Variants in ZMAT4 observed in about 807,000 individuals in gnomAD.
ZMAT4 encodes the protein zinc finger matrin-type 4, also known as zinc finger matrin-type protein 4.
Under a neutral mutation model 28.7 loss-of-function variants are expected in ZMAT4, and 17 were observed. That is an observed-to-expected ratio of 0.59 (90% CI 0.41 to 0.89). The LOEUF (loss-of-function observed/expected upper bound fraction) is 0.89, where lower values mean the gene tolerates loss of function less well. Ranked by LOEUF, ZMAT4 falls within the 40% of genes least tolerant of loss-of-function variation. The probability of loss-of-function intolerance (pLI) is 0.00; values close to 1 mark genes in which losing one functional copy is unlikely to be tolerated. For missense variants in ZMAT4, 240 were observed against 283.8 expected, an observed-to-expected ratio of 0.85 and a Z score of 1.11; for synonymous variants, 117 against 109.2, an observed-to-expected ratio of 1.07 and a Z score of -0.44.
At chr8:40,567,844 C>T (rs997107300) in intron 6 of ZMAT4, among the ~76,000 whole-genome samples, 5 of 151,932 alleles carry the variant, frequency 3.3e-5, no homozygotes, top group Admixed American at 3.3e-4. Context: ...TGAAAAAATC[C>T]TTCCAACTCT....
At chr8:40,560,218 A>ATAT (rs1563340240) in intron 6 of ZMAT4, among the ~76,000 whole-genome samples, 4,220 of 134,696 alleles carry the variant, frequency 0.031, 215 homozygotes, top group African/African-American at 0.1. Flanking sequence ...TATATATATA[A>ATAT]AATTTGACCA....
chr8:40,679,693 A>G (rs186428641), intron 4 of ZMAT4, among the ~76,000 whole-genome samples: 3 of 152,314 alleles, frequency 2.0e-5, no homozygotes, highest in Admixed American at 2.0e-4. Context: ...ACTACAATTC[A>G]AGATGAGATT....
chr8:40,811,992 G>C (rs764260701), intron 2 of ZMAT4, among the ~76,000 whole-genome samples: 1 of 151,240 alleles, frequency 6.6e-6, no homozygotes, highest in African/African-American at 2.4e-5. Flanking sequence ...TTAGCCAGGC[G>C]TGGTGGTGCG....
In ZMAT4 at chr8:40,616,946, G is replaced by A. The variant is rs188346936; in HGVS notation, c.578-35685C>T. On this transcript the variant is annotated intron_variant, in intron 5 of 6. Coordinates refer to ENST00000297737, the MANE Select transcript of ZMAT4 (RefSeq NM_024645.3). The stretch of plus-strand genomic sequence containing the variant: ...GTAATTTTACAAAACTTGGTTTTAG[G>A]TTTTCTAATAGCCAGAGTGAAGAAG... Among the ~76,000 whole-genome samples the A allele has an allele frequency of 1.1e-3, 163 of 151,476 alleles. 2 individuals are homozygous for A. Among genetic ancestry groups the A allele is most frequent in the Middle Eastern group, 3.5e-3 (1 of 288 alleles).
At chr8:40,718,227 A>G (rs569866633) in intron 3 of ZMAT4, among the ~76,000 whole-genome samples, 38 of 152,372 alleles carry the variant, frequency 2.5e-4, no homozygotes, top group African/African-American at 9.1e-4. Context: ...CTGCCCAAAA[A>G]TAAAGCAATC....
chr8:40,780,036 C>CT (rs1022806451), intron 2 of ZMAT4, among the ~76,000 whole-genome samples: 2 of 152,020 alleles, frequency 1.3e-5, no homozygotes, highest in African/African-American at 4.8e-5. Flanking sequence ...CCCCTCCCAA[C>CT]TTTTTTTTCT....
At chr8:40,620,465 C>G (rs1025519060) in intron 5 of ZMAT4, among the ~76,000 whole-genome samples, 1 of 152,166 alleles carries the variant, frequency 6.6e-6, no homozygotes, top group African/African-American at 2.4e-5. Context: ...ACTTTTATTC[C>G]TCTGTAAAAG....
At chr8:40,869,426 C>G (rs1194591784) in intron 1 of ZMAT4, among the ~76,000 whole-genome samples, 2 of 152,124 alleles carry the variant, frequency 1.3e-5, no homozygotes, top group African/African-American at 4.8e-5. Flanking sequence ...GCTTTGGTGT[C>G]GGACAGATCT....
intron 2 of ZMAT4, among the ~76,000 whole-genome samples, chr8:40,770,548 C>CT (rs1563472551): frequency 1.8e-4 from 11 of 62,334 alleles, no homozygotes; most frequent in African/African-American, 2.3e-4. Context: ...CTTTCTCTCT[C>CT]ATTTTTTTTT....
At chr8:40,599,437 A>T (rs141463081) in intron 5 of ZMAT4, among the ~76,000 whole-genome samples, 1 of 152,182 alleles carries the variant, frequency 6.6e-6, no homozygotes, top group African/African-American at 2.4e-5. Context: ...ACGTTTTTCC[A>T]TACTGACTTC....
At position 40,696,132 on chromosome 8, in the gene ZMAT4, C is replaced by A. The variant is rs1299525548; in HGVS notation, c.349+1113G>T. 2.0e-5 allele frequency among the ~76,000 whole-genome samples: 3 copies of A among 152,210 alleles called. No individual in the cohort carries two copies. The South Asian group carries it at 6.2e-4, about 32-fold the overall frequency. ...GTGCCCCCAAACATACTGAGCTTGT[C>A]TCCAGATTTCATGTGTTTTGCAACC... On this transcript the variant is annotated intron_variant, in intron 4 of 6. Coordinates refer to ENST00000297737, the MANE Select transcript of ZMAT4 (RefSeq NM_024645.3).
intron 5 of ZMAT4, among the ~76,000 whole-genome samples, chr8:40,603,926 T>C (rs1278051335): frequency 1.3e-5 from 2 of 152,198 alleles, no homozygotes; most frequent in Non-Finnish European, 2.9e-5. Context: ...TGTAGATGTC[T>C]TTCATCTCCT....
rs891662054 is a variant in ZMAT4, at chr8:40,896,325, T to G, written c.-5+1358A>C. Among the ~76,000 whole-genome samples, 3 of 152,262 alleles carry G rather than the reference T, an allele frequency of 2.0e-5. No homozygotes were observed. In the East Asian group the frequency reaches 5.8e-4, roughly 29 times the overall value. On this transcript the variant is annotated intron_variant, in intron 1 of 6. Coordinates refer to ENST00000297737, the MANE Select transcript of ZMAT4 (RefSeq NM_024645.3). Reference sequence around the variant, plus strand: ...CCAGAACATGCAGTCTTGTCAGGACTGGGAATCGAACTCCCCAGCTGCGGG... The same window carrying G: ...CCAGAACATGCAGTCTTGTCAGGACGGGGAATCGAACTCCCCAGCTGCGGG...
rs576541531 is a variant in ZMAT4 at position 40,600,024 on chromosome 8, C to T, written c.578-18763G>A. On this transcript the variant is annotated intron_variant, in intron 5 of 6. Transcript: ENST00000297737. ...GTTGCCATGCTTGCATGTCCCTGTTCGAACTAAAAACTGCTTCAAACAACA... is the reference window on the plus strand; with the variant it reads ...GTTGCCATGCTTGCATGTCCCTGTTTGAACTAAAAACTGCTTCAAACAACA... 5.9e-5 allele frequency among the ~76,000 whole-genome samples: 9 copies of T among 152,290 alleles called. No homozygotes were observed. The South Asian group carries it at 1.5e-3, about 25-fold the overall frequency.
At position 40,767,740 on chromosome 8, in the gene ZMAT4, A is replaced by G. The variant is rs1371977603; in HGVS notation, c.103-10T>C. 1 of 1,609,290 alleles carries G rather than the reference A, an allele frequency of 6.2e-7. No individual in the cohort carries two copies. The highest frequency in any genetic ancestry group is 1.1e-5 in the South Asian group (1 of 90,106). On this transcript the variant is annotated splice_polypyrimidine_tract_variant and intron_variant, in intron 2 of 6. Coordinates refer to ENST00000297737, the MANE Select transcript of ZMAT4 (RefSeq NM_024645.3). ...TTGCATGTTTTCGACTCTGGGAAGG[A>G]AAAGCATAAGCAGATACTGTAAAAG... is the stretch of plus-strand genomic sequence containing the variant.
At chr8:40,633,483 GA>G (rs1039315935) in intron 5 of ZMAT4, among the ~76,000 whole-genome samples, 1 of 152,198 alleles carries the variant, frequency 6.6e-6, no homozygotes, top group African/African-American at 2.4e-5. Context: ...GACAAGGGGT[GA>G]CCAGAAGATG....
intron 5 of ZMAT4, among the ~76,000 whole-genome samples, chr8:40,633,541 A>G (rs186050442): frequency 2.3e-3 from 355 of 152,306 alleles, no homozygotes; most frequent in Non-Finnish European, 3.9e-3. Flanking sequence ...AGCACATAAA[A>G]GGTCTGTCCT....
At chr8:40,799,363 G>A (rs989499981) in intron 2 of ZMAT4, among the ~76,000 whole-genome samples, 2 of 152,042 alleles carry the variant, frequency 1.3e-5, no homozygotes, top group African/African-American at 2.4e-5. Flanking sequence ...GTTCCTGTCT[G>A]TCCGTCTCTC....
chr8:40,736,416 C>T (rs1272920544), intron 3 of ZMAT4, among the ~76,000 whole-genome samples: 1 of 152,214 alleles, frequency 6.6e-6, no homozygotes, highest in Non-Finnish European at 1.5e-5. Flanking sequence ...TTACATCTTT[C>T]AGCAGTAAGG....
Sources: allele counts gnomAD v4.1 joint callset (sites outside exome capture counted in the v4.1 genomes callset), GRCh38; gene constraint gnomAD v4.1.1; transcripts MANE v1.5; gene names NCBI Gene and HGNC (gene_info 2026-07-23, HGNC 2026-07-21).